Variants in CDC42BPA observed in about 807,000 individuals in gnomAD.
CDC42BPA encodes CDC42 binding protein kinase alpha, also known as serine/threonine-protein kinase MRCK alpha.
In CDC42BPA, 80 loss-of-function variants were observed where a neutral mutation model predicts 223.5. The observed-to-expected ratio is 0.36, with a 90% CI of 0.30 to 0.43. CDC42BPA has a LOEUF of 0.43. CDC42BPA is among the 20% of genes least tolerant of loss of function. CDC42BPA has a pLI of 1.00. For synonymous variants in CDC42BPA, 694 were observed against 718.6 expected (o/e 0.97, Z 0.55); for missense variants, 1,743 against 2,099.9 (o/e 0.83, Z 3.32).
rs891638151 is a variant in CDC42BPA at position 227,072,189 on chromosome 1, C to G, written c.2827+19G>C. On this transcript the variant is annotated intron_variant, in intron 20 of 36. Transcript: ENST00000366766. The stretch of plus-strand genomic sequence containing the variant: ...ACATAACAGTAAGTCCTGAGTGAGG[C>G]AAACACACACTCCCATACCCTTTTC... The G allele has an allele frequency of 1.4e-6, 2 of 1,400,044 alleles. No homozygotes were observed. 86.7% of individuals were successfully genotyped at this position (1,400,044 alleles called of 1,614,324 possible). A position where few individuals can be genotyped will look rare whatever the true frequency, so the allele number is the denominator to read the frequency against.
Position 227,139,689 on chromosome 1 carries a change from T to A in CDC42BPA, c.1277A>T (p.Asp426Val), listed in dbSNP as rs376300581. ...AGTCCTCTGAACATTAACATCAAGA[T>A]CCAGTGAGGTGGGACCAGCCGTAAC... ...LRVTAGPTSL[D>V]LDVNVQRTLD... The change falls in exon 10 of 37, where the codon GAT (aspartate) becomes GTT (valine). Residue 426 changes from aspartate to valine, a missense_variant. Asp to Val is a radical substitution (Grantham distance 152). Transcript: ENST00000366766. 1.2e-6 allele frequency: 2 copies of A among 1,607,420 alleles called. No individual in the cohort carries two copies. Among genetic ancestry groups the A allele is most frequent in the African/African-American group, 2.7e-5 (2 of 74,636 alleles).
At chr1:227,206,101 G>A (rs1365685894) in intron 3 of CDC42BPA, among the ~76,000 whole-genome samples, 2 of 152,234 alleles carry the variant, frequency 1.3e-5, no homozygotes, top group African/African-American at 4.8e-5. Context: ...TCTCAAGACA[G>A]TGAGTGTTTC....
intron 34 of CDC42BPA, chr1:227,010,879 C>T: frequency 7.4e-7 from 1 of 1,359,686 alleles, no homozygotes; most frequent in Non-Finnish European, 9.8e-7. Context: ...TGTTCATACC[C>T]TCAGAGTCAT....
intron 22 of CDC42BPA, among the ~76,000 whole-genome samples, chr1:227,051,143 A>G (rs1673455612): frequency 6.6e-6 from 1 of 152,218 alleles, no homozygotes; most frequent in African/African-American, 2.4e-5. Context: ...ACAACTCTTC[A>G]GATTGGACTA....
intron 11 of CDC42BPA, among the ~76,000 whole-genome samples, chr1:227,124,561 T>TA (rs1689203812): frequency 1.3e-5 from 2 of 151,846 alleles, no homozygotes. Flanking sequence ...TGTATTTTTT[T>TA]AAAAAAAGGG....
At chr1:227,006,252 T>C (rs1207356797) in intron 34 of CDC42BPA, among the ~76,000 whole-genome samples, 1 of 152,208 alleles carries the variant, frequency 6.6e-6, no homozygotes, top group East Asian at 1.9e-4. Flanking sequence ...TGATTTTTCT[T>C]TCATAGCTAC....
chr1:227,317,416 T>G lies in CDC42BPA; in HGVS notation c.-234A>C, dbSNP rs901768550. 1.2e-5 allele frequency: 5 copies of G among 426,904 alleles called. No homozygotes were observed. Among genetic ancestry groups the G allele is most frequent in the African/African-American group, 1.0e-4 (5 of 49,022 alleles). 26.4% of individuals were successfully genotyped at this position (426,904 alleles called of 1,614,324 possible). A position where few individuals can be genotyped will look rare whatever the true frequency, so the allele number is the denominator to read the frequency against. ...TTTGAGGGTAAATTACCATAAAATATATACTTAATGCATTTTTAAAAGAAT... is the reference window on the plus strand; with the variant it reads ...TTTGAGGGTAAATTACCATAAAATAGATACTTAATGCATTTTTAAAAGAAT... On this transcript the variant is annotated 5_prime_UTR_variant, in exon 1 of 37. Coordinates refer to ENST00000366766, the MANE Select transcript of CDC42BPA (RefSeq NM_001394014.1).
intron 1 of CDC42BPA, among the ~76,000 whole-genome samples, chr1:227,287,130 A>G (rs1468813118): frequency 2.6e-5 from 4 of 152,334 alleles, no homozygotes; most frequent in Admixed American, 2.0e-4. Context: ...CTTGCTGATA[A>G]AAGTCATCAT....
At chr1:227,155,458 G>C (rs978458724) in intron 6 of CDC42BPA, among the ~76,000 whole-genome samples, 3 of 152,148 alleles carry the variant, frequency 2.0e-5, no homozygotes, top group African/African-American at 7.2e-5. Flanking sequence ...CCAGGAAACA[G>C]AGTCCAATAC....
At position 226,994,098 on chromosome 1, in the gene CDC42BPA, G is replaced by C; in HGVS notation, c.*170C>G. 3.5e-6 allele frequency: 2 copies of C among 570,656 alleles called. No individual in the cohort carries two copies. The highest frequency in any genetic ancestry group is 4.3e-5 in the South Asian group (2 of 46,820). 35.3% of individuals were successfully genotyped at this position (570,656 alleles called of 1,614,324 possible). A position where few individuals can be genotyped will look rare whatever the true frequency, so the allele number is the denominator to read the frequency against. On this transcript the variant is annotated 3_prime_UTR_variant, in exon 37 of 37. Transcript: ENST00000366766. The surrounding 1 kb of genome is among the most constrained non-coding windows in gnomAD (Gnocchi z 4.0). ...GTCTTTGTTGTTGCTGTTAGGCTGG[G>C]GGCGTGGATCTGAGAGTCGTGTCGT...
At chr1:227,009,564 A>G (rs1366982811) in intron 34 of CDC42BPA, among the ~76,000 whole-genome samples, 1 of 152,056 alleles carries the variant, frequency 6.6e-6, no homozygotes, top group East Asian at 1.9e-4. Flanking sequence ...ATGTGCCACC[A>G]CATCCAACTA....
intron 21 of CDC42BPA, among the ~76,000 whole-genome samples, chr1:227,060,896 AT>A (rs1353270806): frequency 1.3e-5 from 2 of 151,586 alleles, no homozygotes; most frequent in African/African-American, 4.8e-5. Flanking sequence ...TAATTTTTGT[AT>A]TTTTAGTAGA....
At chr1:227,123,959 T>C (rs1235568375) in intron 11 of CDC42BPA, among the ~76,000 whole-genome samples, 1 of 152,078 alleles carries the variant, frequency 6.6e-6, no homozygotes, top group African/African-American at 2.4e-5. Context: ...AGAAGTACAT[T>C]ATAGATTATA....
At chr1:227,183,084 C>G (rs1014754745) in intron 5 of CDC42BPA, 1 of 152,218 alleles carries the variant, frequency 6.6e-6, no homozygotes, top group African/African-American at 2.4e-5. Context: ...TATCATAGGA[C>G]TTCACCTTGT....
At chr1:227,018,414 C>T (rs1053119390) in intron 32 of CDC42BPA, among the ~76,000 whole-genome samples, 10 of 152,300 alleles carry the variant, frequency 6.6e-5, no homozygotes, top group Non-Finnish European at 7.3e-5. Context: ...TTGAGATGGG[C>T]TTTCCTTCCT....
intron 11 of CDC42BPA, among the ~76,000 whole-genome samples, chr1:227,126,538 GA>G: frequency 6.9e-6 from 1 of 145,778 alleles, no homozygotes; most frequent in Non-Finnish European, 1.5e-5. Flanking sequence ...GGAAAAAGAA[GA>G]AAAAAAAGGA....
At chr1:227,157,297 G>T (rs1662995949) in intron 6 of CDC42BPA, among the ~76,000 whole-genome samples, 1 of 152,244 alleles carries the variant, frequency 6.6e-6, no homozygotes, top group African/African-American at 2.4e-5. Flanking sequence ...ATTCAGGCCT[G>T]CTAGAGATTA....
chr1:227,073,410 A>G (rs1678829807), intron 19 of CDC42BPA, among the ~76,000 whole-genome samples: 1 of 152,136 alleles, frequency 6.6e-6, no homozygotes. Context: ...CAATAATTAT[A>G]CTTAAAAGAT....
chr1:227,001,435 T>G (rs1558252094), intron 35 of CDC42BPA, among the ~76,000 whole-genome samples: 1 of 152,206 alleles, frequency 6.6e-6, no homozygotes, highest in African/African-American at 2.4e-5. Flanking sequence ...GTCGTTTGCA[T>G]GCCATCAGCA....
Sources: allele counts gnomAD v4.1 joint callset (sites outside exome capture counted in the v4.1 genomes callset), GRCh38; gene constraint gnomAD v4.1.1; non-coding constraint Gnocchi (gnomAD v3.1); transcripts MANE v1.5; gene names NCBI Gene and HGNC (gene_info 2026-07-23, HGNC 2026-07-21).